Variants in TTC6 observed in about 807,000 individuals in gnomAD.
The protein encoded by TTC6 is tetratricopeptide repeat protein 6.
A neutral mutation model predicts 210.4 loss-of-function variants in TTC6; 172 were observed. The observed-to-expected ratio is 0.82, with a 90% CI of 0.72 to 0.93. The LOEUF (loss-of-function observed/expected upper bound fraction) is 0.93, where lower values mean the gene tolerates loss of function less well. Ranked by LOEUF, TTC6 falls within the 40% of genes least tolerant of loss-of-function variation. The pLI is 0.00. For synonymous variants in TTC6, 804 were observed against 819.6 expected (o/e 0.98, Z 0.32); for missense variants, 2,414 against 2,318.1 (o/e 1.04, Z -0.85).
intron 14 of TTC6, among the ~76,000 whole-genome samples, chr14:37,767,499 G>A (rs1233815087): frequency 6.6e-6 from 1 of 152,156 alleles, no homozygotes; most frequent in African/African-American, 2.4e-5. Flanking sequence ...ATTCTAACTG[G>A]TGTGAGATGG....
intron 3 of TTC6, among the ~76,000 whole-genome samples, chr14:37,693,969 AACT>A (rs1768896342): frequency 7.8e-6 from 1 of 128,306 alleles, no homozygotes; most frequent in Admixed American, 8.7e-5. Context: ...CAAACTATAA[AACT>A]ACCACAAAAA....
chr14:37,611,519 T>TG (rs1042730850), intron 2 of TTC6, among the ~76,000 whole-genome samples: 2 of 151,968 alleles, frequency 1.3e-5, no homozygotes, highest in Non-Finnish European at 2.9e-5. Context: ...AAAAAGGGGC[T>TG]GGGGCACTGG....
At position 37,713,400 on chromosome 14, in the gene TTC6, A is replaced by G. The variant is rs181733760; in HGVS notation, c.1572-1255A>G. 2.8e-3 allele frequency among the ~76,000 whole-genome samples: 425 copies of G among 152,242 alleles called. 1 individual carries two copies. The highest frequency in any genetic ancestry group is 3.2e-3 in the Non-Finnish European group (216 of 68,000). ...ACTACAGGTGTGTGCCACTACACCC[A>G]GCTAACTTTTGTATTTTAGTAGAGA... On this transcript the variant is annotated intron_variant, in intron 5 of 30. Coordinates refer to ENST00000553443, the Ensembl canonical transcript of TTC6.
intron 6 of TTC6, among the ~76,000 whole-genome samples, chr14:37,720,803 T>A (rs1178739890): frequency 6.6e-6 from 1 of 152,074 alleles, no homozygotes; most frequent in Non-Finnish European, 1.5e-5. Flanking sequence ...AAATAAAGAA[T>A]AGAATAGTGG....
At chr14:37,672,979 T>C (rs562033100) in intron 1 of TTC6, among the ~76,000 whole-genome samples, 1 of 152,334 alleles carries the variant, frequency 6.6e-6, no homozygotes, top group South Asian at 2.1e-4. Flanking sequence ...TAATGGACTA[T>C]GTTCTGTTAG....
At chr14:37,676,707 C>A (rs971747886) in intron 1 of TTC6, among the ~76,000 whole-genome samples, 2 of 152,052 alleles carry the variant, frequency 1.3e-5, no homozygotes, top group African/African-American at 4.8e-5. Context: ...GTCTTACATT[C>A]AGGTATTTGA....
At chr14:37,756,541 G>A (rs2095968346) in intron 14 of TTC6, among the ~76,000 whole-genome samples, 1 of 152,218 alleles carries the variant, frequency 6.6e-6, no homozygotes, top group Non-Finnish European at 1.5e-5. Flanking sequence ...AGTTTATTGA[G>A]AGTTTCTAGC....
At chr14:37,839,872 C>T (rs1026571463) in intron 29 of TTC6, among the ~76,000 whole-genome samples, 2 of 152,122 alleles carry the variant, frequency 1.3e-5, no homozygotes, top group Non-Finnish European at 1.5e-5. Flanking sequence ...ATATGGCTAG[C>T]CGGTTTTCCC....
intron 29 of TTC6, among the ~76,000 whole-genome samples, chr14:37,829,026 T>G (rs1286603129): frequency 6.6e-6 from 1 of 152,052 alleles, no homozygotes; most frequent in Non-Finnish European, 1.5e-5. Flanking sequence ...ACAGATTTCC[T>G]CCTTTGTTTC....
At chr14:37,659,625 G>A (rs1336490744) in intron 1 of TTC6, among the ~76,000 whole-genome samples, 1 of 151,992 alleles carries the variant, frequency 6.6e-6, no homozygotes, top group African/African-American at 2.4e-5. Flanking sequence ...AGGTTCAAGC[G>A]ATTCTCCTGC....
intron 1 of TTC6, among the ~76,000 whole-genome samples, chr14:37,661,318 G>A (rs1339121869): frequency 6.6e-6 from 1 of 151,918 alleles, no homozygotes; most frequent in African/African-American, 2.4e-5. Context: ...TTATAGTTTG[G>A]GATTTTACAT....
intron 1 of TTC6, among the ~76,000 whole-genome samples, chr14:37,641,140 C>T (rs933010591): frequency 1.3e-5 from 2 of 152,180 alleles, no homozygotes; most frequent in African/African-American, 4.8e-5. Context: ...GTTATCTTGA[C>T]AGCAAATTGA....
Position 37,827,228 on chromosome 14 carries a change from TG to T in TTC6, c.5164del (p.Val1722Ter), listed in dbSNP as rs777284949. On this transcript the variant is annotated frameshift_variant, in exon 29 of 31. Coordinates refer to ENST00000553443, the Ensembl canonical transcript of TTC6. LOFTEE classifies it high-confidence loss of function. ...CTACAGCAGAATTCTTAACAAATCG[TG>T]GGGTGATTCATGAGTTTATGGGCCA... 9.3e-6 allele frequency: 15 copies of T among 1,612,732 alleles called. No homozygotes were observed. In the African/African-American group the frequency reaches 1.7e-4, roughly 19 times the overall value.
intron 7 of TTC6, among the ~76,000 whole-genome samples, chr14:37,725,501 C>CG: frequency 6.6e-6 from 1 of 151,176 alleles, no homozygotes; most frequent in African/African-American, 2.4e-5. Flanking sequence ...CAGGCATGTG[C>CG]CACCACACCT....
intron 22 of TTC6, 37 bp from the exon 25 acceptor site, chr14:37,807,283 G>T: frequency 7.0e-7 from 1 of 1,436,480 alleles, no homozygotes; most frequent in South Asian, 1.5e-5. Context: ...TTTTACTAAA[G>T]CATCCATTCC....
chr14:37,599,468 C>G (rs555092834), intron 1 of TTC6, among the ~76,000 whole-genome samples: 2 of 152,290 alleles, frequency 1.3e-5, no homozygotes, highest in South Asian at 4.1e-4. Context: ...TAAACATACC[C>G]AGGGCTTTCA....
chr14:37,670,175 T>G (rs1440493478), intron 1 of TTC6, among the ~76,000 whole-genome samples: 1 of 152,192 alleles, frequency 6.6e-6, no homozygotes, highest in African/African-American at 2.4e-5. Context: ...CTCATTGGCT[T>G]TGTTTAATAA....
chr14:37,725,308 GTGTGTATATATATATATATA>G lies in TTC6; in HGVS notation c.1818+308_1818+327del, dbSNP rs1292247836. On this transcript the variant is annotated intron_variant, in intron 7 of 30. Coordinates refer to ENST00000553443, the Ensembl canonical transcript of TTC6. Reference sequence around the variant, plus strand: ...TTTATATATGTATGTATGTGTGTGTGTGTGTATATATATATATATATATATATATATATATATATATATAT... The same window carrying G: ...TTTATATATGTATGTATGTGTGTGTGTATATATATATATATATATATATAT... 1.5e-3 allele frequency among the ~76,000 whole-genome samples: 113 copies of G among 73,398 alleles called. 2 individuals carry two copies. The highest frequency in any genetic ancestry group is 2.2e-3 in the Non-Finnish European group (78 of 36,002). 48.2% of individuals were successfully genotyped at this position (73,398 alleles called of 152,430 possible).
intron 14 of TTC6, among the ~76,000 whole-genome samples, chr14:37,770,467 C>T (rs1020045275): frequency 1.3e-5 from 2 of 151,334 alleles, no homozygotes; most frequent in African/African-American, 4.8e-5. Context: ...TCAGGACTTG[C>T]TTTATGAATC....
Sources: allele counts gnomAD v4.1 joint callset (sites outside exome capture counted in the v4.1 genomes callset), GRCh38; gene constraint gnomAD v4.1.1; transcripts MANE v1.5; gene names NCBI Gene and HGNC (gene_info 2026-07-23, HGNC 2026-07-21).